PAK2: variants seen among roughly 807,000 people sequenced by gnomAD.
The protein encoded by PAK2 is serine/threonine-protein kinase PAK 2.
PAK2 carries 21 observed loss-of-function variants against 65.9 expected under a neutral mutation model. That is an observed-to-expected ratio of 0.32 (90% CI 0.23 to 0.46). The LOEUF (loss-of-function observed/expected upper bound fraction) is 0.46, where lower values mean the gene tolerates loss of function less well. PAK2 is among the 20% of genes least tolerant of loss of function. The probability of loss-of-function intolerance (pLI) is 1.00; values close to 1 mark genes in which losing one functional copy is unlikely to be tolerated. For synonymous variants in PAK2, 204 were observed against 219.7 expected (o/e 0.93, Z 0.63); for missense variants, 324 against 642.6 (o/e 0.50, Z 5.36).
At chr3:196,796,857 G>C (rs946341312) in intron 2 of PAK2, among the ~76,000 whole-genome samples, 2 of 152,110 alleles carry the variant, frequency 1.3e-5, no homozygotes, top group East Asian at 3.8e-4. Context: ...TTGTTATTTC[G>C]TGATAATAGG....
At chr3:196,811,360 T>TCCCCTCCC (rs1715815015) in intron 8 of PAK2, among the ~76,000 whole-genome samples, 4 of 51,394 alleles carry the variant, frequency 7.8e-5, no homozygotes, top group South Asian at 8.4e-4. Context: ...CTTCCCTCCC[T>TCCCCTCCC]TCCCTTCCTT....
intron 1 of PAK2, among the ~76,000 whole-genome samples, chr3:196,741,660 C>G (rs1158927094): frequency 1.3e-5 from 2 of 152,194 alleles, no homozygotes; most frequent in African/African-American, 4.8e-5. Context: ...CCATTGTTAC[C>G]TTTCCCTCCA....
Position 196,810,618 on chromosome 3 carries a change from G to GA in PAK2, c.744dup (p.Tyr249IlefsTer5). ...CTATCGTGAGCATAGGTGACCCTAA[G>GA]AAAAAATATACAAGATATGAAAAAA... On this transcript the variant is annotated frameshift_variant, in exon 8 of 15. Coordinates refer to ENST00000327134, the MANE Select transcript of PAK2 (RefSeq NM_002577.4). LOFTEE classifies it high-confidence loss of function. The GA allele has an allele frequency of 6.4e-7, 1 of 1,569,022 alleles. No homozygotes were observed. The highest frequency in any genetic ancestry group is 8.8e-7 in the Non-Finnish European group (1 of 1,139,714).
intron 2 of PAK2, among the ~76,000 whole-genome samples, chr3:196,784,262 C>T (rs1714811744): frequency 7.8e-6 from 1 of 128,418 alleles, no homozygotes; most frequent in Non-Finnish European, 1.6e-5. Flanking sequence ...TTTTAGGGTA[C>T]ATGTGCACAT....
At chr3:196,761,627 A>G (rs1713967900) in intron 1 of PAK2, among the ~76,000 whole-genome samples, 1 of 133,920 alleles carries the variant, frequency 7.5e-6, no homozygotes, top group Admixed American at 7.8e-5. Flanking sequence ...TCTATTCCAC[A>G]AAGCCGCCAT....
intron 1 of PAK2, among the ~76,000 whole-genome samples, chr3:196,772,429 T>C (rs760220622): frequency 6.6e-6 from 1 of 152,208 alleles, no homozygotes; most frequent in Non-Finnish European, 1.5e-5. Context: ...CCTCTTATTT[T>C]ACTAGCCCAT....
chr3:196,784,907 A>G (rs933103007), intron 2 of PAK2: 1 of 151,950 alleles, frequency 6.6e-6, no homozygotes, highest in Admixed American at 6.6e-5. Flanking sequence ...TGACTTTTTA[A>G]TGATTGCCAT....
At chr3:196,754,087 C>A (rs1173535912) in intron 1 of PAK2, among the ~76,000 whole-genome samples, 1 of 152,126 alleles carries the variant, frequency 6.6e-6, no homozygotes, top group Non-Finnish European at 1.5e-5. Context: ...CTATTGCAAT[C>A]TTAATTTCTT....
At chr3:196,767,719 C>A (rs138034529) in intron 1 of PAK2, among the ~76,000 whole-genome samples, 1 of 152,104 alleles carries the variant, frequency 6.6e-6, no homozygotes, top group African/African-American at 2.4e-5. Flanking sequence ...TGGTCTCGAT[C>A]TCCTGACCTC....
intron 1 of PAK2, among the ~76,000 whole-genome samples, chr3:196,775,194 A>G (rs1011669607): frequency 2.0e-5 from 3 of 152,170 alleles, no homozygotes; most frequent in African/African-American, 7.2e-5. Flanking sequence ...TCAGGCAAGT[A>G]TTGCTTAAAG....
Position 196,810,666 on chromosome 3 carries a change from G to A in PAK2, c.773+13G>A. The A allele has an allele frequency of 7.9e-7, 1 of 1,267,562 alleles. No homozygotes were observed. 78.5% of individuals were successfully genotyped at this position (1,267,562 alleles called of 1,614,324 possible). On this transcript the variant is annotated intron_variant, in intron 8 of 14. Coordinates refer to ENST00000327134, the MANE Select transcript of PAK2 (RefSeq NM_002577.4). ...AAATTGGACAAGGGTAAGTATTTGT[G>A]ACTGTATTACGATAATATTCAGTAT...
intron 2 of PAK2, among the ~76,000 whole-genome samples, chr3:196,783,691 C>G (rs1714787876): frequency 6.6e-6 from 1 of 152,116 alleles, no homozygotes; most frequent in African/African-American, 2.4e-5. Flanking sequence ...CTGCTATACC[C>G]CATCCTAACC....
chr3:196,793,591 A>G (rs1376623242), intron 2 of PAK2, among the ~76,000 whole-genome samples: 1 of 152,202 alleles, frequency 6.6e-6, no homozygotes, highest in African/African-American at 2.4e-5. Flanking sequence ...AACAATAGGG[A>G]TAAAAACAGG....
intron 1 of PAK2, among the ~76,000 whole-genome samples, chr3:196,755,288 G>A (rs1432984151): frequency 6.6e-6 from 1 of 151,986 alleles, no homozygotes; most frequent in Non-Finnish European, 1.5e-5. Context: ...TAGGAGAATG[G>A]TATCTTGTTC....
chr3:196,806,740 T>C (rs2108759829), intron 6 of PAK2, 54 bp downstream of exon 6: 1 of 1,038,626 alleles, frequency 9.6e-7, no homozygotes. Context: ...TTTTAAAAAA[T>C]AGCAGAGTTT....
intron 9 of PAK2, 25 bp downstream of exon 9, chr3:196,812,292 G>A (rs1345364220): frequency 4.2e-6 from 6 of 1,424,920 alleles, no homozygotes; most frequent in African/African-American, 1.4e-5. Flanking sequence ...GTAATCCTGG[G>A]TGTTACCATT....
intron 1 of PAK2, among the ~76,000 whole-genome samples, chr3:196,750,934 A>G (rs576524620): frequency 6.6e-6 from 1 of 152,300 alleles, no homozygotes; most frequent in East Asian, 1.9e-4. Flanking sequence ...GTTCTTTGGC[A>G]TTAAGTACTC....
chr3:196,789,841 T>C (rs552331917), intron 2 of PAK2, among the ~76,000 whole-genome samples: 1 of 152,160 alleles, frequency 6.6e-6, no homozygotes, highest in Non-Finnish European at 1.5e-5. Flanking sequence ...CATCAGACAT[T>C]AGTTAGATTC....
At chr3:196,771,400 T>G (rs1714355632) in intron 1 of PAK2, among the ~76,000 whole-genome samples, 1 of 152,118 alleles carries the variant, frequency 6.6e-6, no homozygotes, top group Non-Finnish European at 1.5e-5. Flanking sequence ...TGCTTTTGAT[T>G]CATTAGACTT....
Sources: allele counts gnomAD v4.1 joint callset (sites outside exome capture counted in the v4.1 genomes callset), GRCh38; gene constraint gnomAD v4.1.1; transcripts MANE v1.5; gene names NCBI Gene and HGNC (gene_info 2026-07-23, HGNC 2026-07-21).